ADCY5: variants seen among roughly 807,000 people sequenced by gnomAD.
ADCY5 encodes the protein adenylate cyclase type 5.
Under a neutral mutation model 119.7 loss-of-function variants are expected in ADCY5, and 30 were observed. That is an observed-to-expected ratio of 0.25 (90% CI 0.19 to 0.34). The LOEUF is 0.34. Among genes scored for constraint, ADCY5 ranks in the 10% least tolerant of loss-of-function variants. ADCY5 has a pLI of 1.00. For synonymous variants in ADCY5, 753 were observed against 762.2 expected, an observed-to-expected ratio of 0.99 and a Z score of 0.20; for missense variants, 1,324 against 1,775.2, an observed-to-expected ratio of 0.75 and a Z score of 4.57.
At chr3:123,312,990 G>T (rs1411774454) in intron 12 of ADCY5, among the ~76,000 whole-genome samples, 2 of 152,210 alleles carry the variant, frequency 1.3e-5, no homozygotes, top group Non-Finnish European at 2.9e-5. Flanking sequence ...CCTTGAGGAA[G>T]GAGGGTCAGT....
intron 1 of ADCY5, among the ~76,000 whole-genome samples, chr3:123,364,966 C>G (rs1943382651): frequency 7.0e-6 from 1 of 143,488 alleles, no homozygotes; most frequent in South Asian, 2.2e-4. Flanking sequence ...CGGAGTCTTG[C>G]TCTGTTGCCC....
intron 1 of ADCY5, among the ~76,000 whole-genome samples, chr3:123,388,557 G>A (rs1475748698): frequency 7.3e-6 from 1 of 137,864 alleles, no homozygotes; most frequent in Non-Finnish European, 1.7e-5. Flanking sequence ...TGGGCCAGAG[G>A]GACAGATATG....
intron 20 of ADCY5, among the ~76,000 whole-genome samples, chr3:123,285,627 T>G (rs1285227573): frequency 6.6e-6 from 1 of 152,218 alleles, no homozygotes; most frequent in South Asian, 2.1e-4. Context: ...TGTTACTAGC[T>G]GCAGTTCCTG....
intron 19 of ADCY5, among the ~76,000 whole-genome samples, chr3:123,287,810 G>A (rs577395007): frequency 1.5e-4 from 23 of 152,292 alleles, no homozygotes; most frequent in African/African-American, 5.3e-4. Context: ...AGACAAGCCT[G>A]AGTCTGTAGG....
Position 123,286,053 on chromosome 3 carries a change from G to A in ADCY5, c.3657+632C>T, listed in dbSNP as rs2108158254. On this transcript the variant is annotated intron_variant, in intron 20 of 20. Transcript: ENST00000462833. The surrounding 1 kb of genome is among the most constrained non-coding windows in gnomAD (Gnocchi z 4.2). ...CAGCCTCACAGAGAACTGGGGGTGA[G>A]GGCCGTGCAGGAGGACTACTGCCCA... 1.3e-5 allele frequency among the ~76,000 whole-genome samples: 2 copies of A among 152,354 alleles called. No individual in the cohort carries two copies. Among genetic ancestry groups the A allele is most frequent in the African/African-American group, 4.8e-5 (2 of 41,580 alleles).
chr3:123,392,217 G>C (rs1287906005), intron 1 of ADCY5, among the ~76,000 whole-genome samples: 2 of 152,212 alleles, frequency 1.3e-5, no homozygotes, highest in Non-Finnish European at 2.9e-5. Flanking sequence ...AGCAAAATGT[G>C]ATAGAATTAA....
chr3:123,320,203 G>C (rs1941145363), intron 9 of ADCY5, among the ~76,000 whole-genome samples: 1 of 152,244 alleles, frequency 6.6e-6, no homozygotes. Context: ...CCCTAGATCA[G>C]GCAGTGAGAG....
chr3:123,357,283 G>A (rs1220747813), intron 1 of ADCY5, among the ~76,000 whole-genome samples: 1 of 152,038 alleles, frequency 6.6e-6, no homozygotes, highest in African/African-American at 2.4e-5. Flanking sequence ...GAGACTAAGA[G>A]AGAAAATGTA....
intron 11 of ADCY5, among the ~76,000 whole-genome samples, chr3:123,316,608 G>A (rs866137450): frequency 1.3e-5 from 2 of 152,126 alleles, no homozygotes; most frequent in African/African-American, 2.4e-5. Context: ...TACTGGCTTC[G>A]GGGACTCTTT....
At chr3:123,432,194 C>T (rs1009361760) in intron 1 of ADCY5, among the ~76,000 whole-genome samples, 1 of 152,234 alleles carries the variant, frequency 6.6e-6, no homozygotes, top group African/African-American at 2.4e-5. Flanking sequence ...ACTGCAGGAA[C>T]TGCTATTTCC....
At chr3:123,303,665 A>C (rs111503479) in intron 13 of ADCY5, among the ~76,000 whole-genome samples, 5,406 of 152,152 alleles carry the variant, frequency 0.036, 324 homozygotes, top group African/African-American at 0.12. Flanking sequence ...TCTAAAAAAA[A>C]CAGACAAAAA....
At chr3:123,345,812 C>G (rs1942524111) in intron 3 of ADCY5, among the ~76,000 whole-genome samples, 1 of 92,272 alleles carries the variant, frequency 1.1e-5, no homozygotes, top group African/African-American at 5.2e-5. Flanking sequence ...CCAAATCTCT[C>G]TCCTGCCTCT....
intron 1 of ADCY5, among the ~76,000 whole-genome samples, chr3:123,426,943 G>T (rs889255576): frequency 6.6e-6 from 1 of 152,196 alleles, no homozygotes; most frequent in Non-Finnish European, 1.5e-5. Context: ...GCTGTCATGG[G>T]ATATTTAAAG....
intron 1 of ADCY5, among the ~76,000 whole-genome samples, chr3:123,362,562 C>G (rs921063017): frequency 6.6e-6 from 1 of 152,190 alleles, no homozygotes; most frequent in Non-Finnish European, 1.5e-5. Flanking sequence ...AGAGAAATAA[C>G]AGCTTTCATG....
At chr3:123,311,149 T>C (rs1211658876) in intron 12 of ADCY5, among the ~76,000 whole-genome samples, 1 of 152,210 alleles carries the variant, frequency 6.6e-6, no homozygotes, top group African/African-American at 2.4e-5. Flanking sequence ...GGGGGTAATT[T>C]AGGAACTGTC....
At chr3:123,348,036 AGTGTGT>A (rs59441110) in intron 2 of ADCY5, 133 bp from the exon 3 acceptor site, 43 of 468,610 alleles carry the variant, frequency 9.2e-5, no homozygotes, top group African/African-American at 5.4e-4. Context: ...CTGGGTTAAC[AGTGTGT>A]GTGTGTGTGT....
At chr3:123,300,009 G>A in intron 15 of ADCY5, 111 bp downstream of exon 15, 1 of 1,198,976 alleles carries the variant, frequency 8.3e-7, no homozygotes, top group Non-Finnish European at 1.2e-6. Context: ...GGAGGAACAA[G>A]ATACTCTCCT....
chr3:123,343,360 G>A (rs148900495), intron 3 of ADCY5, among the ~76,000 whole-genome samples: 4 of 152,332 alleles, frequency 2.6e-5, no homozygotes, highest in Non-Finnish European at 5.9e-5. Flanking sequence ...CCATGTTACA[G>A]TTGAGGACCA....
At chr3:123,325,972 G>A (rs1307844335) in intron 7 of ADCY5, among the ~76,000 whole-genome samples, 1 of 152,198 alleles carries the variant, frequency 6.6e-6, no homozygotes, top group East Asian at 1.9e-4. Flanking sequence ...TTGGTCCCTG[G>A]CAGGCTGTGG....
Sources: gnomAD v4.1 joint callset for allele counts (sites outside exome capture counted in the v4.1 genomes callset) on GRCh38, gnomAD v4.1.1 for gene constraint, Gnocchi (gnomAD v3.1) non-coding constraint, MANE v1.5 for transcripts, NCBI Gene and HGNC (gene_info 2026-07-23, HGNC 2026-07-21) for gene names.